NRP2: variants seen among roughly 807,000 people sequenced by gnomAD.
The protein encoded by NRP2 is neuropilin 2, also known as neuropilin-2.
In NRP2, 52 loss-of-function variants were observed where a neutral mutation model predicts 110.4. The observed-to-expected ratio is 0.47, with a 90% confidence interval of 0.38 to 0.59. The LOEUF (loss-of-function observed/expected upper bound fraction) is 0.59. Ranked by LOEUF, NRP2 falls within the 20% of genes least tolerant of loss-of-function variation. NRP2 has a pLI of 0.00. For missense variants in NRP2, 1,049 were observed against 1,203.0 expected (o/e 0.87, Z 1.89); for synonymous variants, 508 against 468.9 (o/e 1.08, Z -1.08).
chr2:205,697,312 CTGTGTGTG>C (rs3072627), intron 1 of NRP2, among the ~76,000 whole-genome samples: 8 of 137,948 alleles, frequency 5.8e-5, no homozygotes, highest in African/African-American at 1.2e-4. Context: ...ATACTTTCAT[CTGTGTGTG>C]TGTGTGTGTG....
At chr2:205,716,093 A>C (rs2056888551) in intron 2 of NRP2, 100 bp from the exon 3 acceptor site, 8 of 1,297,168 alleles carry the variant, frequency 6.2e-6, no homozygotes, top group Non-Finnish European at 8.9e-6. Flanking sequence ...GAAACACCTT[A>C]ACTTCTGCAA....
At chr2:205,786,277 T>A (rs550434348) in intron 15 of NRP2, among the ~76,000 whole-genome samples, 1 of 152,342 alleles carries the variant, frequency 6.6e-6, no homozygotes, top group South Asian at 2.1e-4. Flanking sequence ...TTGTTATTTA[T>A]CTTTTACTGA....
intron 7 of NRP2, 57 bp downstream of exon 7, chr2:205,728,103 CA>C: frequency 6.2e-7 from 1 of 1,606,792 alleles, no homozygotes; most frequent in South Asian, 1.1e-5. Flanking sequence ...GGGATGGGAT[CA>C]GGGGAGCTTT....
chr2:205,786,387 T>G (rs1002935269), intron 15 of NRP2, among the ~76,000 whole-genome samples: 1 of 152,178 alleles, frequency 6.6e-6, no homozygotes, highest in African/African-American at 2.4e-5. Context: ...AACTGGCCCA[T>G]GGGGTTCAGA....
At chr2:205,718,104 C>A (rs1358861401) in intron 3 of NRP2, among the ~76,000 whole-genome samples, 3 of 152,108 alleles carry the variant, frequency 2.0e-5, no homozygotes, top group Non-Finnish European at 4.4e-5. Context: ...ACTGTGCTGG[C>A]CATGAAAGGA....
chr2:205,745,830 G>A lies in NRP2; in HGVS notation c.1726G>A (p.Glu576Lys). Residue 576 changes from glutamate (E) to lysine (K), a missense_variant, in exon 10 of 17, where the codon GAG becomes AAG. Coordinates refer to ENST00000357785, the MANE Select transcript of NRP2 (RefSeq NM_003872.3). ...IPAQYVRVYP[E>K]RWSPAGIGMR... ...GGCACAGTATGTGCGGGTATACCCG[G>A]AGAGGTGGTCGCCGGCGGGGATTGG... The A allele has an allele frequency of 6.2e-7, 1 of 1,614,244 alleles. No individual in the cohort carries two copies. Among genetic ancestry groups the A allele is most frequent in the Non-Finnish European group, 8.5e-7 (1 of 1,180,030 alleles).
Position 205,776,140 on chromosome 2 carries a change from C to T in NRP2, c.2425+9337C>T, listed in dbSNP as rs1336905654. On this transcript the variant is annotated intron_variant, in intron 15 of 16. Transcript: ENST00000357785. ...CCACCTTAGTCCCCCAGACCCTTCC[C>T]TGTATGTCCCAAAGCATGTGTGTGT... 5 of 1,136,838 alleles carry T rather than the reference C, an allele frequency of 4.4e-6. No homozygotes were observed. The East Asian group carries it at 1.2e-4, about 27-fold the overall frequency. The allele number at this position is 1,136,838 out of a possible 1,614,324, so 70.4% of individuals were successfully genotyped here.
chr2:205,690,677 G>A lies in NRP2; in HGVS notation c.74-6867G>A, dbSNP rs144494912. ...CGCCTATAATCCCAGCTACTTGGGA[G>A]GCTAAGGCAGGAAAATCGCTTAAAC... On this transcript the variant is annotated intron_variant, in intron 1 of 16. Coordinates refer to ENST00000357785, the MANE Select transcript of NRP2 (RefSeq NM_003872.3). 2.4e-4 allele frequency among the ~76,000 whole-genome samples: 37 copies of A among 152,006 alleles called. 1 individual carries two copies. The East Asian group carries it at 6.2e-3, about 25-fold the overall frequency.
chr2:205,792,239 C>T lies in NRP2; in HGVS notation c.2430C>T (p.Asp810=), dbSNP rs776606006. The T allele has an allele frequency of 6.3e-7, 1 of 1,584,482 alleles. No homozygotes were observed. Among genetic ancestry groups the T allele is most frequent in the South Asian group, 1.1e-5 (1 of 90,482 alleles). The stretch of plus-strand genomic sequence containing the variant: ...TTTATTTTCTTTATATTATAGTGGA[C>T]ATCCCAGAAATACATGAGAGAGAAG... ...CMEPISAFAV[D]IPEIHEREGY... is the part of the protein sequence containing the mutation. The change falls in exon 16 of 17, where the codon GAC becomes GAT. Residue 810 remains aspartate, a synonymous_variant. Transcript: ENST00000357785.
chr2:205,767,973 C>T (rs2057954772), intron 15 of NRP2: 1 of 152,266 alleles, frequency 6.6e-6, no homozygotes, highest in Non-Finnish European at 1.5e-5. Flanking sequence ...CAGCTCTGGG[C>T]TAGAAAGAGA....
At chr2:205,766,684 A>G (rs2057924101) in intron 14 of NRP2, 99 bp from the exon 15 acceptor site, 3 of 1,102,380 alleles carry the variant, frequency 2.7e-6, no homozygotes, top group Non-Finnish European at 2.8e-6. Context: ...AACCGAGTGC[A>G]GTCATGTTTA....
intron 12 of NRP2, chr2:205,756,660 A>C (rs2057739227): frequency 6.6e-6 from 1 of 152,202 alleles, no homozygotes; most frequent in South Asian, 2.1e-4. Flanking sequence ...ACACTGCTCC[A>C]GTGCTTTGGA....
intron 7 of NRP2, among the ~76,000 whole-genome samples, chr2:205,734,997 A>C (rs1385603079): frequency 6.6e-6 from 1 of 152,182 alleles, no homozygotes; most frequent in Non-Finnish European, 1.5e-5. Context: ...CGCTACTCAC[A>C]TGAGAGGTGG....
chr2:205,697,743 T>C (rs2056464531), intron 2 of NRP2, 22 bp downstream of exon 2: 2 of 1,612,662 alleles, frequency 1.2e-6, no homozygotes. Flanking sequence ...CCTGTCCCAC[T>C]GTGTATCCCA....
chr2:205,775,438 AT>A (rs1442392096), intron 15 of NRP2, among the ~76,000 whole-genome samples: 2 of 151,952 alleles, frequency 1.3e-5, no homozygotes, highest in Admixed American at 6.6e-5. Flanking sequence ...ATTAAGAATG[AT>A]TTCCCTCCCT....
Position 205,774,128 on chromosome 2 carries a change from C to T in NRP2, c.2425+7325C>T, listed in dbSNP as rs193059874. 4.6e-5 allele frequency among the ~76,000 whole-genome samples: 7 copies of T among 152,248 alleles called. No homozygotes were observed. The East Asian group carries it at 7.7e-4, about 17-fold the overall frequency. On this transcript the variant is annotated intron_variant, in intron 15 of 16. Coordinates refer to ENST00000357785, the MANE Select transcript of NRP2 (RefSeq NM_003872.3). ...CCTGTGCATTTTTGTAAGCTCATAT[C>T]GAAAATCCAGCAGCAGGATGGTTGC...
At chr2:205,771,371 G>A (rs142446432) in intron 15 of NRP2, among the ~76,000 whole-genome samples, 4 of 152,112 alleles carry the variant, frequency 2.6e-5, no homozygotes, top group South Asian at 2.1e-4. Context: ...AACCTTTTTC[G>A]TTTGTTTAAT....
chr2:205,737,518 G>A (rs849583), intron 7 of NRP2, among the ~76,000 whole-genome samples: 15,816 of 152,162 alleles, frequency 0.1, 1,075 homozygotes, highest in East Asian at 0.39. Context: ...AGTGTTTTGT[G>A]TGTGTGTGTT....
At chr2:205,751,474 G>T (rs1468115063) in intron 11 of NRP2, among the ~76,000 whole-genome samples, 1 of 151,730 alleles carries the variant, frequency 6.6e-6, no homozygotes, top group African/African-American at 2.4e-5. Context: ...AGGAGAAGGG[G>T]TGGTAAAGGC....
Sources: allele counts gnomAD v4.1 joint callset (sites outside exome capture counted in the v4.1 genomes callset), GRCh38; gene constraint gnomAD v4.1.1; transcripts MANE v1.5; gene names NCBI Gene and HGNC (gene_info 2026-07-23, HGNC 2026-07-21).